The following WDR1 variants were observed in gnomAD, a reference collection of about 807,000 sequenced individuals.
The protein encoded by WDR1 is WD repeat-containing protein 1.
Under a neutral mutation model 71.9 loss-of-function variants are expected in WDR1, and 21 were observed. The observed-to-expected ratio is 0.29, with a 90% CI of 0.21 to 0.42. The LOEUF (loss-of-function observed/expected upper bound fraction) is 0.42, where lower values mean the gene tolerates loss of function less well. Ranked by LOEUF, WDR1 falls within the 10% of genes least tolerant of loss-of-function variation. The pLI, the probability that WDR1 is intolerant of heterozygous loss-of-function variation, is 1.00. For synonymous variants in WDR1, 424 were observed against 347.4 expected (o/e 1.22, Z -2.45); for missense variants, 696 against 824.5 (o/e 0.84, Z 1.91).
intron 3 of WDR1, among the ~76,000 whole-genome samples, chr4:10,102,863 C>A (rs1157184269): frequency 6.6e-6 from 1 of 152,186 alleles, no homozygotes; most frequent in Non-Finnish European, 1.5e-5. Context: ...ATGAGGCCCA[C>A]ATCAGCTTAC....
At chr4:10,092,790 C>A (rs1167802435) in intron 5 of WDR1, 1 of 314,708 alleles carries the variant, frequency 3.2e-6, no homozygotes, top group African/African-American at 2.2e-5. Context: ...GATTGGGGAA[C>A]CTCCCGGGGA....
intron 5 of WDR1, chr4:10,092,508 GGT>G (rs1188753260): frequency 6.4e-6 from 1 of 155,138 alleles, no homozygotes; most frequent in East Asian, 1.9e-4. Flanking sequence ...CTGGCAGGGT[GGT>G]GTCATGTGTC....
At chr4:10,098,274 A>C (rs1179384288) in intron 4 of WDR1, among the ~76,000 whole-genome samples, 2 of 152,356 alleles carry the variant, frequency 1.3e-5, no homozygotes, top group Non-Finnish European at 2.9e-5. Context: ...CATTCAACAA[A>C]AACACTGTTT....
chr4:10,113,647 G>A (rs567532053), intron 2 of WDR1, among the ~76,000 whole-genome samples: 2 of 152,258 alleles, frequency 1.3e-5, no homozygotes, highest in African/African-American at 2.4e-5. Context: ...TTTGGTTTTC[G>A]GGAGTCTGGG....
In WDR1 at chr4:10,077,441, T is replaced by C. The variant is rs754446287; in HGVS notation, c.1577A>G (p.Asn526Ser). The C allele has an allele frequency of 1.1e-5, 17 of 1,613,834 alleles. No individual in the cohort carries two copies. The highest frequency in any genetic ancestry group is 1.6e-4 in the Middle Eastern group (1 of 6,080). Residue 526 changes from asparagine to serine, a missense_variant, in exon 14 of 15, where the codon AAT becomes AGT. By Grantham distance (46) the Asn-to-Ser change is conservative. Transcript: ENST00000499869. ...FSVADGYSEN[N>S]VFYGHHAKIV... Reference sequence around the variant, plus strand: ...TTTTGCATGGTGTCCATAAAAAACATTGTTCTCCTAGTTGCAGGTTGAAAA... The same window carrying C: ...TTTTGCATGGTGTCCATAAAAAACACTGTTCTCCTAGTTGCAGGTTGAAAA...
At chr4:10,110,375 A>T (rs1363183230) in intron 2 of WDR1, among the ~76,000 whole-genome samples, 1 of 152,226 alleles carries the variant, frequency 6.6e-6, no homozygotes, top group Non-Finnish European at 1.5e-5. Context: ...TCTCTCCAGT[A>T]GTCTTACGCA....
chr4:10,100,121 G>A (rs913761572), intron 3 of WDR1, among the ~76,000 whole-genome samples: 1 of 152,232 alleles, frequency 6.6e-6, no homozygotes, highest in Non-Finnish European at 1.5e-5. Context: ...TTTTTAAGAG[G>A]ATTGTCAGGA....
intron 5 of WDR1, among the ~76,000 whole-genome samples, chr4:10,093,726 G>C (rs1712155904): frequency 6.6e-6 from 1 of 152,210 alleles, no homozygotes; most frequent in Admixed American, 6.5e-5. Context: ...TCAGCCCAGT[G>C]AAGAGCAAGG....
intron 7 of WDR1, 80 bp downstream of exon 7, chr4:10,088,213 T>A: frequency 2.2e-6 from 3 of 1,368,880 alleles, no homozygotes; most frequent in Non-Finnish European, 3.1e-6. Context: ...TTTGTCTAAC[T>A]CCGGAGTGAG....
chr4:10,106,941 C>G (rs1351727800), intron 2 of WDR1, among the ~76,000 whole-genome samples: 2 of 152,160 alleles, frequency 1.3e-5, no homozygotes, highest in Non-Finnish European at 2.9e-5. Flanking sequence ...CGAGATGGCA[C>G]CTTGACACCC....
At chr4:10,108,775 G>A (rs535903251) in intron 2 of WDR1, among the ~76,000 whole-genome samples, 58 of 152,272 alleles carry the variant, frequency 3.8e-4, no homozygotes, top group African/African-American at 1.4e-3. Flanking sequence ...ATCTTTTAAG[G>A]CCCAGGCAAA....
chr4:10,081,944 T>G lies in WDR1; in HGVS notation c.1197-500A>C, dbSNP rs962359373. ...AGAAAGACTCATACACACAAACTTC[T>G]TGAAAACTGAGATAATCAAGGAAAT... On this transcript the variant is annotated intron_variant, in intron 10 of 14. Transcript: ENST00000499869. Among the ~76,000 whole-genome samples, 6 of 152,218 alleles carry G rather than the reference T, an allele frequency of 3.9e-5. No individual in the cohort carries two copies. In the South Asian group the frequency reaches 1.2e-3, roughly 32 times the overall value.
chr4:10,103,229 G>A (rs1056972431), intron 3 of WDR1, among the ~76,000 whole-genome samples: 10 of 151,718 alleles, frequency 6.6e-5, no homozygotes, highest in East Asian at 1.9e-4. Context: ...AAGGAGCAGC[G>A]GGTAAAGATG....
In WDR1 at chr4:10,075,385, G is replaced by T; in HGVS notation, c.1814C>A (p.Thr605Asn). 6.2e-7 allele frequency: 1 copy of T among 1,613,800 alleles called. No homozygotes were observed. ...AGGCGGGGGTGGGGCTCCTCAGTAG[G>T]TGATTGTCCACTCCTTGACAGAGGC... ...HDASVKEWTI[T>N]Y Residue 605 changes from threonine (T) to asparagine (N), a missense_variant, in exon 15 of 15, where the codon ACC becomes AAC. By Grantham distance (65) the Thr-to-Asn change is moderately conservative. Transcript: ENST00000499869.
At chr4:10,110,923 ACT>A (rs1432873979) in intron 2 of WDR1, among the ~76,000 whole-genome samples, 4 of 152,144 alleles carry the variant, frequency 2.6e-5, no homozygotes, top group Non-Finnish European at 1.5e-5. Flanking sequence ...CCTGAAAATC[ACT>A]GATTTTAATC....
chr4:10,097,760 C>T lies in WDR1; in HGVS notation c.509G>A (p.Cys170Tyr), dbSNP rs1712437281. The change falls in exon 5 of 15, where the codon TGC becomes TAC. Residue 170 changes from cysteine (C) to tyrosine (Y), a missense_variant. Cys to Tyr is a radical substitution (Grantham distance 194). Transcript: ENST00000499869. ...TGGGGGTCCCTCAAAGAATGCCGCG[C>T]AGTTATCATCGCTTCCCGTGGCCAG... ...YRLATGSDDN[C>Y]AAFFEGPPFK... 6.2e-7 allele frequency: 1 copy of T among 1,613,584 alleles called. No homozygotes were observed. Among genetic ancestry groups the T allele is most frequent in the Non-Finnish European group, 8.5e-7 (1 of 1,179,690 alleles).
intron 8 of WDR1, among the ~76,000 whole-genome samples, chr4:10,085,806 T>G (rs535419933): frequency 1.3e-5 from 2 of 152,108 alleles, no homozygotes; most frequent in African/African-American, 4.8e-5. Flanking sequence ...TACCTGCTGC[T>G]CCATCCCACT....
chr4:10,078,234 C>G (rs1764875143), intron 12 of WDR1, among the ~76,000 whole-genome samples: 1 of 152,210 alleles, frequency 6.6e-6, no homozygotes, highest in Admixed American at 6.5e-5. Context: ...AGCACATAGA[C>G]CCACCCAGCC....
chr4:10,088,492 T>C, intron 6 of WDR1, 119 bp from the exon 7 acceptor site: 1 of 1,206,638 alleles, frequency 8.3e-7, no homozygotes, highest in Non-Finnish European at 1.2e-6. Flanking sequence ...CCCAGTGTGG[T>C]TTAAAAGCAG....
Sources: gnomAD v4.1 joint callset for allele counts (sites outside exome capture counted in the v4.1 genomes callset) on GRCh38, gnomAD v4.1.1 for gene constraint, MANE v1.5 for transcripts, NCBI Gene and HGNC (gene_info 2026-07-23, HGNC 2026-07-21) for gene names.